Variants in MGAM observed in about 807,000 individuals in gnomAD.
MGAM encodes the protein alpha-1,4-glucosidase.
Under a neutral mutation model 358.8 loss-of-function variants are expected in MGAM, and 253 were observed. The ratio of observed to expected loss-of-function variants is 0.71; its 90% CI spans 0.64 to 0.78. The LOEUF is 0.78. Ranked by LOEUF, MGAM falls within the 30% of genes least tolerant of loss-of-function variation. MGAM has a pLI of 0.00. For synonymous variants in MGAM, 1,105 were observed against 1,227.1 expected (o/e 0.90, Z 2.08); for missense variants, 3,080 against 3,432.6 (o/e 0.90, Z 2.57).
chr7:142,030,403 G>A lies in MGAM; in HGVS notation c.1263G>A (p.Arg421=), dbSNP rs1554462869. 6.2e-7 allele frequency: 1 copy of A among 1,613,064 alleles called. No individual in the cohort carries two copies. The highest frequency in any genetic ancestry group is 2.2e-5 in the East Asian group (1 of 44,802). The change falls in exon 11 of 71, where the codon AGG becomes AGA. Residue 421 remains arginine, a synonymous_variant. Transcript: ENST00000475668. Reference sequence around the variant, plus strand: ...ATATTGATTATATGGATGAGAGAAGGGACTTCACTTATGATTCAGTGGATT... The same window carrying A: ...ATATTGATTATATGGATGAGAGAAGAGACTTCACTTATGATTCAGTGGATT... ...HADIDYMDER[R]DFTYDSVDFK...
At position 142,045,189 on chromosome 7, in the gene MGAM, T is replaced by C. The variant is rs1419240826; in HGVS notation, c.2499-2596T>C. ...TATATATATTATATAACATATATGATATATAATATATATTATATAACATAT... is the reference window on the plus strand; with the variant it reads ...TATATATATTATATAACATATATGACATATAATATATATTATATAACATAT... On this transcript the variant is annotated intron_variant, in intron 21 of 70. Coordinates refer to ENST00000475668, the MANE Select transcript of MGAM (RefSeq NM_001365693.1). Among the ~76,000 whole-genome samples, 7 of 49,512 alleles carry C rather than the reference T, an allele frequency of 1.4e-4. 1 individual carries two copies. Among genetic ancestry groups the C allele is most frequent in the South Asian group, 5.5e-4 (1 of 1,820 alleles). 32.5% of individuals were successfully genotyped at this position (49,512 alleles called of 152,430 possible).
Position 142,065,569 on chromosome 7 carries a change from G to A in MGAM, c.4619-19G>A. 1 of 1,614,000 alleles carries A rather than the reference G, an allele frequency of 6.2e-7. No individual in the cohort carries two copies. Among genetic ancestry groups the A allele is most frequent in the Non-Finnish European group, 8.5e-7 (1 of 1,179,884 alleles). On this transcript the variant is annotated intron_variant, in intron 38 of 70. Transcript: ENST00000475668. ...GATCATGAGAGCCTGGTGTGACACA[G>A]CTGTGCTTCTCGTTGCAGGCATGAT...
rs1815706468 is a variant in MGAM at position 142,094,515 on chromosome 7, A to G, written c.7306+18A>G. On this transcript the variant is annotated intron_variant, in intron 61 of 70. Coordinates refer to ENST00000475668, the MANE Select transcript of MGAM (RefSeq NM_001365693.1). ...TATCATTGGTGCGTGGGTCCTTCCC[A>G]GGGCCTGTGCCGGTAGGGCAGGGAG... 1 of 1,552,182 alleles carries G rather than the reference A, an allele frequency of 6.4e-7. No individual in the cohort carries two copies. The highest frequency in any genetic ancestry group is 1.3e-5 in the African/African-American group (1 of 74,704).
At chr7:142,071,570 C>G (rs2129047992) in intron 44 of MGAM, among the ~76,000 whole-genome samples, 1 of 146,486 alleles carries the variant, frequency 6.8e-6, no homozygotes. Context: ...AGCACCAGAA[C>G]TCTCCTCTCT....
chr7:142,026,413 CA>C (rs1806976711), intron 8 of MGAM, among the ~76,000 whole-genome samples: 2 of 152,162 alleles, frequency 1.3e-5, no homozygotes, highest in Admixed American at 1.3e-4. Flanking sequence ...GGTAGATTAG[CA>C]ATAGAAAAGA....
At chr7:142,045,161 TAA>T (rs1563156438) in intron 21 of MGAM, among the ~76,000 whole-genome samples, 1 of 81,330 alleles carries the variant, frequency 1.2e-5, no homozygotes, top group African/African-American at 5.2e-5. Flanking sequence ...ATGTGATATA[TAA>T]TATATATATT....
intron 21 of MGAM, among the ~76,000 whole-genome samples, chr7:142,047,043 G>C (rs1810469738): frequency 1.3e-5 from 2 of 152,148 alleles, no homozygotes; most frequent in Non-Finnish European, 2.9e-5. Flanking sequence ...GTGAAAGGCT[G>C]AACTGTGAAA....
At chr7:142,054,247 G>A (rs576017719) in intron 26 of MGAM, among the ~76,000 whole-genome samples, 28 of 152,246 alleles carry the variant, frequency 1.8e-4, no homozygotes, top group African/African-American at 6.0e-4. Flanking sequence ...TGTGAATTTC[G>A]TAAAACCATA....
Position 142,075,813 on chromosome 7 carries a change from G to T in MGAM, c.5276-390G>T, listed in dbSNP as rs1485125924. Among the ~76,000 whole-genome samples, 9 of 145,740 alleles carry T rather than the reference G, an allele frequency of 6.2e-5. 2 individuals carry two copies. Among genetic ancestry groups the T allele is most frequent in the Admixed American group, 2.1e-4 (3 of 14,474 alleles). On this transcript the variant is annotated intron_variant, in intron 45 of 70. Coordinates refer to ENST00000475668, the MANE Select transcript of MGAM (RefSeq NM_001365693.1). ...TGCTGGTGAGGGTGTGGAGAAAATA[G>T]AATTTTTTAGACTGTTGGTGGGACT...
chr7:142,054,841 T>C lies in MGAM; in HGVS notation c.3247T>C (p.Tyr1083His), dbSNP rs754264280. 6.2e-7 allele frequency: 1 copy of C among 1,613,972 alleles called. No homozygotes were observed. Among genetic ancestry groups the C allele is most frequent in the Non-Finnish European group, 8.5e-7 (1 of 1,179,862 alleles). Residue 1083 changes from tyrosine to histidine, a missense_variant, in exon 27 of 71, where the codon TAT (tyrosine) becomes CAT (histidine). Tyr to His is a moderately conservative substitution (Grantham distance 83). This residue lies in a region of MGAM where 1,816 missense variants were observed against 1,840.5 expected (regional missense o/e 0.99). Coordinates refer to ENST00000475668, the MANE Select transcript of MGAM (RefSeq NM_001365693.1). ...MPSSTPEGQL[Y>H]DVLIKKNPFG... is the part of the protein sequence containing the mutation. ...ATCCAGCACCCCTGAGGGTCAACTC[T>C]ATGATGTGCTCATTAAGAAGAATCC...
At chr7:142,004,675 ATC>A (rs1217389746) in intron 1 of MGAM, among the ~76,000 whole-genome samples, 1 of 152,060 alleles carries the variant, frequency 6.6e-6, no homozygotes, top group African/African-American at 2.4e-5. Context: ...GTACTCCTAA[ATC>A]TATAAAAATT....
Position 142,093,461 on chromosome 7 carries a change from G to C in MGAM, c.7083G>C (p.Glu2361Asp). The change falls in exon 60 of 71, where the codon GAG (glutamate) becomes GAC (aspartate). Residue 2361 changes from glutamate (E) to aspartate (D), a missense_variant. Coordinates refer to ENST00000475668, the MANE Select transcript of MGAM (RefSeq NM_001365693.1). ...RGLSSKTLCM[E>D]SQQILPDGSP... ...TGAGCAGCAAGACCCTGTGCATGGA[G>C]AGTCAGCAGATCCTCCCAGACGGCT... 2.0e-6 allele frequency: 3 copies of C among 1,534,524 alleles called. No individual in the cohort carries two copies. Among genetic ancestry groups the C allele is most frequent in the Middle Eastern group, 1.7e-4 (1 of 5,910 alleles).
At chr7:142,005,504 A>G (rs1805079019) in intron 1 of MGAM, 25 bp from the exon 2 acceptor site, 1 of 1,462,420 alleles carries the variant, frequency 6.8e-7, no homozygotes, top group Non-Finnish European at 9.2e-7. Context: ...ATTCAAATCT[A>G]AAATTGTTTT....
chr7:142,052,904 G>A lies in MGAM; in HGVS notation c.3079G>A (p.Ala1027Thr), dbSNP rs750175325. Residue 1027 changes from alanine to threonine, a missense_variant, in exon 26 of 71, where the codon GCC becomes ACC. Physicochemically the swap from Ala to Thr is moderately conservative, Grantham distance 58. This residue lies in a region of MGAM where 1,816 missense variants were observed against 1,840.5 expected (regional missense o/e 0.99). Transcript: ENST00000475668. ...CATCTCCTTAAAGTCTTCCGTTTATGCCAATGCCTTCCCCTCCACACCCGT... is the reference window on the plus strand; with the variant it reads ...CATCTCCTTAAAGTCTTCCGTTTATACCAATGCCTTCCCCTCCACACCCGT... ...ADISLKSSVY[A>T]NAFPSTPVNP... The A allele has an allele frequency of 3.1e-6, 5 of 1,613,790 alleles. No individual in the cohort carries two copies. The South Asian group carries it at 5.5e-5, about 18-fold the overall frequency.
intron 3 of MGAM, among the ~76,000 whole-genome samples, chr7:142,015,524 A>G (rs550937748): frequency 6.6e-6 from 1 of 152,098 alleles, no homozygotes; most frequent in Non-Finnish European, 1.5e-5. Flanking sequence ...AAAAGAATCT[A>G]ATATAATAAT....
chr7:142,034,116 A>G (rs1441897970), intron 14 of MGAM, 146 bp from the exon 15 acceptor site: 10 of 600,838 alleles, frequency 1.7e-5, no homozygotes, highest in Non-Finnish European at 3.0e-5. Flanking sequence ...AGTGGATAGC[A>G]TTCTAATAGT....
At chr7:142,041,697 C>T (rs962224789) in intron 21 of MGAM, among the ~76,000 whole-genome samples, 3 of 150,354 alleles carry the variant, frequency 2.0e-5, no homozygotes, top group East Asian at 2.0e-4. Flanking sequence ...CCCAGACATA[C>T]GTATGTATTT....
Position 142,105,814 on chromosome 7 carries a change from G to A in MGAM, c.8185G>A (p.Val2729Ile). The change falls in exon 71 of 71, where the codon GTA becomes ATA. Residue 2729 changes from valine (V) to isoleucine (I), a missense_variant and splice_region_variant. Around this residue, in one of 5 missense-constraint regions of MGAM, gnomAD observed 194 missense variants for 172.8 expected, o/e 1.12. Coordinates refer to ENST00000475668, the MANE Select transcript of MGAM (RefSeq NM_001365693.1). ...ATTCTTTTCCTTTGGTTCCTAACAG[G>A]TATTAAGCATCGATGTGACTGACAG... ...PSFNNDPTTQ[V>I]LSIDVTDRNI... The A allele has an allele frequency of 6.2e-7, 1 of 1,612,024 alleles. No individual in the cohort carries two copies. The highest frequency in any genetic ancestry group is 8.5e-7 in the Non-Finnish European group (1 of 1,178,258).
In MGAM at chr7:142,078,216, T is replaced by A. The variant is rs1427252590; in HGVS notation, c.5494-102T>A. On this transcript the variant is annotated intron_variant, in intron 47 of 70. Coordinates refer to ENST00000475668, the MANE Select transcript of MGAM (RefSeq NM_001365693.1). ...TTGGATGGTTGAAAGTCTGGACTGA[T>A]GTCTATTTGTTTTTCCAAAATAAAT... is the stretch of plus-strand genomic sequence containing the variant. 8 of 958,158 alleles carry A rather than the reference T, an allele frequency of 8.3e-6. 1 individual carries two copies. The East Asian group carries it at 2.2e-4, about 26-fold the overall frequency. The allele number at this position is 958,158 out of a possible 1,614,324, so 59.4% of individuals were successfully genotyped here. A position where few individuals can be genotyped will look rare whatever the true frequency, so the allele number is the denominator to read the frequency against.
Sources: allele counts gnomAD v4.1 joint callset (sites outside exome capture counted in the v4.1 genomes callset), GRCh38; gene constraint gnomAD v4.1.1; regional missense constraint gnomAD v4.1.1; transcripts MANE v1.5; gene names NCBI Gene and HGNC (gene_info 2026-07-23, HGNC 2026-07-21).